DEXI: variants seen among roughly 807,000 people sequenced by gnomAD.
The protein encoded by DEXI is dexamethasone-induced protein.
DEXI carries 2 observed loss-of-function variants against 2.5 expected under a neutral mutation model. The ratio of observed to expected loss-of-function variants is 0.81; its 90% CI spans 0.33 to 2.55. The LOEUF is 2.55. Among genes scored for constraint, DEXI ranks in the 30% most tolerant of loss-of-function variants. DEXI has a pLI of 0.11. For missense variants in DEXI, 108 were observed against 130.3 expected (o/e 0.83, Z 0.83); for synonymous variants, 71 against 68.7 (o/e 1.03, Z -0.17).
chr16:10,933,026 G>C (rs2040865651), intron 1 of DEXI: 1 of 152,252 alleles, frequency 6.6e-6, no homozygotes, highest in African/African-American at 2.4e-5. Context: ...AAGGCATCAA[G>C]AGCCCCAGGC....
In DEXI at chr16:10,941,643, C is replaced by A; in HGVS notation, c.*75G>T. On this transcript the variant is annotated 3_prime_UTR_variant, in exon 1 of 2. Transcript: ENST00000331808. This position sits in a 1 kb window ranked among gnomAD's most constrained non-coding sequence, Gnocchi z 6.4. The stretch of plus-strand genomic sequence containing the variant: ...AGATGGTGCCCCCAACCAGCTGCGG[C>A]GGCATGATCTGGGCGGCTGGTCCAG... 3 of 1,528,966 alleles carry A rather than the reference C, an allele frequency of 2.0e-6. No individual in the cohort carries two copies. The highest frequency in any genetic ancestry group is 2.6e-6 in the Non-Finnish European group (3 of 1,137,644). 94.7% of individuals were successfully genotyped at this position (1,528,966 alleles called of 1,614,324 possible).
At position 10,939,122 on chromosome 16, in the gene DEXI, G is replaced by A. The variant is rs906666803; in HGVS notation, c.*149+2447C>T. The A allele has an allele frequency of 6.6e-6, 1 of 152,200 alleles. No homozygotes were observed. The highest frequency in any genetic ancestry group is 1.5e-5 in the Non-Finnish European group (1 of 68,052). The allele number at this position is 152,200 out of a possible 1,614,324, so 9.4% of individuals were successfully genotyped here. On this transcript the variant is annotated intron_variant, in intron 1 of 1. Coordinates refer to ENST00000331808, the MANE Select transcript of DEXI (RefSeq NM_014015.4). This position sits in a 1 kb window ranked among gnomAD's most constrained non-coding sequence, Gnocchi z 4.9. ...ATGCAAAGGGCCTAGACACAGGAGT[G>A]CGATACAATCAATGCTCAGTACAGA... is the stretch of plus-strand genomic sequence containing the variant.
chr16:10,932,127 G>T (rs1289380357), intron 1 of DEXI: 1 of 152,226 alleles, frequency 6.6e-6, no homozygotes, highest in Non-Finnish European at 1.5e-5. Flanking sequence ...GGACAGGGAG[G>T]TGACCCCAGG....
At position 10,938,954 on chromosome 16, in the gene DEXI, A is replaced by G. The variant is rs1412426958; in HGVS notation, c.*149+2615T>C. The G allele has an allele frequency of 6.6e-6, 1 of 152,248 alleles. No individual in the cohort carries two copies. The highest frequency in any genetic ancestry group is 2.4e-5 in the African/African-American group (1 of 41,470). The allele number at this position is 152,248 out of a possible 1,614,324, so 9.4% of individuals were successfully genotyped here. A position where few individuals can be genotyped will look rare whatever the true frequency, so the allele number is the denominator to read the frequency against. ...TGTTGATGTGGTAAAGAGATAAAAT[A>G]AGACGTTCCTCACCAAGTTACACTG... On this transcript the variant is annotated intron_variant, in intron 1 of 1. Coordinates refer to ENST00000331808, the MANE Select transcript of DEXI (RefSeq NM_014015.4). This position sits in a 1 kb window ranked among gnomAD's most constrained non-coding sequence, Gnocchi z 4.9.
At chr16:10,930,096 C>G (rs992026120) in intron 1 of DEXI, 1 of 152,412 alleles carries the variant, frequency 6.6e-6, no homozygotes, top group African/African-American at 2.4e-5. Context: ...CCCCCTGGCA[C>G]GTCCCCGTTT....
In DEXI at chr16:10,929,462, C is replaced by T. The variant is rs2040681880; in HGVS notation, c.*247G>A. Reference sequence around the variant, plus strand: ...GTTCCCCCTTCTGTGGGAGCAGGTGCCTTCCCAACCTCAGCACTCAGTCCC... The same window carrying T: ...GTTCCCCCTTCTGTGGGAGCAGGTGTCTTCCCAACCTCAGCACTCAGTCCC... On this transcript the variant is annotated 3_prime_UTR_variant, in exon 2 of 2. Transcript: ENST00000331808. The surrounding 1 kb of genome is among the most constrained non-coding windows in gnomAD (Gnocchi z 4.3). 7.1e-6 allele frequency: 7 copies of T among 985,764 alleles called. No homozygotes were observed. The highest frequency in any genetic ancestry group is 8.4e-6 in the Non-Finnish European group (7 of 829,938). The allele number at this position is 985,764 out of a possible 1,614,324, so 61.1% of individuals were successfully genotyped here. A position where few individuals can be genotyped will look rare whatever the true frequency, so the allele number is the denominator to read the frequency against.
Position 10,934,231 on chromosome 16 carries a change from T to C in DEXI, c.*150-4672A>G, listed in dbSNP as rs1424659414. On this transcript the variant is annotated intron_variant, in intron 1 of 1. Coordinates refer to ENST00000331808, the MANE Select transcript of DEXI (RefSeq NM_014015.4). This position sits in a 1 kb window ranked among gnomAD's most constrained non-coding sequence, Gnocchi z 4.2. ...CCACATCCAAGAACCACCTGGACTA[T>C]TATTTACTTAGTATTTTAAACCAAT... The C allele has an allele frequency of 1.3e-5, 2 of 152,250 alleles. No homozygotes were observed. Among genetic ancestry groups the C allele is most frequent in the Admixed American group, 1.3e-4 (2 of 15,290 alleles). The allele number at this position is 152,250 out of a possible 1,614,324, so 9.4% of individuals were successfully genotyped here. A position where few individuals can be genotyped will look rare whatever the true frequency, so the allele number is the denominator to read the frequency against.
rs1453478294 is a variant in DEXI, at chr16:10,934,770, C to T, written c.*150-5211G>A. On this transcript the variant is annotated intron_variant, in intron 1 of 1. Coordinates refer to ENST00000331808, the MANE Select transcript of DEXI (RefSeq NM_014015.4). The surrounding 1 kb of genome is among the most constrained non-coding windows in gnomAD (Gnocchi z 4.2). ...CAGGAGGGACTCCCAGAAATGAAGC[C>T]TTACCCTTGAGGGAGTTCCCCGCCA... The T allele has an allele frequency of 6.6e-6, 1 of 152,166 alleles. No individual in the cohort carries two copies. Among genetic ancestry groups the T allele is most frequent in the African/African-American group, 2.4e-5 (1 of 41,444 alleles). 9.4% of individuals were successfully genotyped at this position (152,166 alleles called of 1,614,324 possible).
intron 1 of DEXI, chr16:10,936,122 C>A (rs1023178390): frequency 6.6e-6 from 1 of 152,028 alleles, no homozygotes; most frequent in African/African-American, 2.4e-5. Context: ...TTCCGAGTAA[C>A]TGGGACTATG....
At position 10,942,265 on chromosome 16, in the gene DEXI, G is replaced by A; in HGVS notation, c.-260C>T. The A allele has an allele frequency of 8.7e-6, 3 of 343,464 alleles. No homozygotes were observed. The highest frequency in any genetic ancestry group is 1.6e-5 in the Non-Finnish European group (3 of 189,300). 21.3% of individuals were successfully genotyped at this position (343,464 alleles called of 1,614,324 possible). On this transcript the variant is annotated 5_prime_UTR_variant, in exon 1 of 2. Transcript: ENST00000331808. The surrounding 1 kb of genome is among the most constrained non-coding windows in gnomAD (Gnocchi z 5.0). Reference sequence around the variant, plus strand: ...GGCGGGCCCCCCTGAAGTGGCCCGCGGCTGCCCGGCTCCCTCGTGGCGCCT... The same window carrying A: ...GGCGGGCCCCCCTGAAGTGGCCCGCAGCTGCCCGGCTCCCTCGTGGCGCCT...
intron 1 of DEXI, chr16:10,933,694 C>G (rs1275336678): frequency 1.3e-5 from 2 of 152,346 alleles, no homozygotes; most frequent in African/African-American, 4.8e-5. Flanking sequence ...CGGCAGGGAA[C>G]CTTCTCAAGG....
In DEXI at chr16:10,929,106, GC is replaced by G. The variant is rs928721856; in HGVS notation, c.*602del. The G allele has an allele frequency of 7.1e-5, 46 of 646,878 alleles. No homozygotes were observed. Among genetic ancestry groups the G allele is most frequent in the Non-Finnish European group, 8.8e-5 (46 of 520,724 alleles). The allele number at this position is 646,878 out of a possible 1,614,324, so 40.1% of individuals were successfully genotyped here. ...TGAAGGAGCGAGAATCCCACCCTCA[GC>G]CCCCCAACAGCTTCCTCAGCTTCTT... On this transcript the variant is annotated 3_prime_UTR_variant, in exon 2 of 2. Transcript: ENST00000331808. This position sits in a 1 kb window ranked among gnomAD's most constrained non-coding sequence, Gnocchi z 4.3.
rs2041111069 is a variant in DEXI at position 10,942,142 on chromosome 16, G to A, written c.-137C>T. ...ACAGAAGCAGGGCCGGGCTCCAGATGTCCCCTGGCAATTGCGCCCCGACCC... is the reference window on the plus strand; with the variant it reads ...ACAGAAGCAGGGCCGGGCTCCAGATATCCCCTGGCAATTGCGCCCCGACCC... On this transcript the variant is annotated 5_prime_UTR_variant, in exon 1 of 2. Coordinates refer to ENST00000331808, the MANE Select transcript of DEXI (RefSeq NM_014015.4). The surrounding 1 kb of genome is among the most constrained non-coding windows in gnomAD (Gnocchi z 5.0). The A allele has an allele frequency of 1.6e-6, 1 of 639,586 alleles. No homozygotes were observed. Among genetic ancestry groups the A allele is most frequent in the Non-Finnish European group, 2.3e-6 (1 of 427,654 alleles). The allele number at this position is 639,586 out of a possible 1,614,324, so 39.6% of individuals were successfully genotyped here. A position where few individuals can be genotyped will look rare whatever the true frequency, so the allele number is the denominator to read the frequency against.
chr16:10,936,112 T>C (rs1479491568), intron 1 of DEXI: 1 of 152,090 alleles, frequency 6.6e-6, no homozygotes, highest in Non-Finnish European at 1.5e-5. Context: ...TGCCTGAGCC[T>C]TCCGAGTAAC....
rs996709078 is a variant in DEXI at position 10,940,062 on chromosome 16, T to A, written c.*149+1507A>T. 6.6e-6 allele frequency: 1 copy of A among 152,256 alleles called. No homozygotes were observed. The highest frequency in any genetic ancestry group is 2.4e-5 in the African/African-American group (1 of 41,450). The allele number at this position is 152,256 out of a possible 1,614,324, so 9.4% of individuals were successfully genotyped here. On this transcript the variant is annotated intron_variant, in intron 1 of 1. Coordinates refer to ENST00000331808, the MANE Select transcript of DEXI (RefSeq NM_014015.4). The surrounding 1 kb of genome is among the most constrained non-coding windows in gnomAD (Gnocchi z 4.2). ...TCGCTAAGATGTTACTGAGCTCAAC[T>A]GAAGCTTTTTCTTCAAAGAAATCTC...
At position 10,941,731 on chromosome 16, in the gene DEXI, G is replaced by A. The variant is rs2041105091; in HGVS notation, c.275C>T (p.Ala92Val). ...GCAGTCGAGACCCTACTCCAAGTACGCATCAAAGACGTCGAGCTCCGAGTC... is the reference window on the plus strand; with the variant it reads ...GCAGTCGAGACCCTACTCCAAGTACACATCAAAGACGTCGAGCTCCGAGTC... The part of the protein sequence containing the change: ...DADSELDVFD[A>V]YLE The change falls in exon 1 of 2, where the codon GCG becomes GTG. Residue 92 changes from alanine (A) to valine (V), a missense_variant. Coordinates refer to ENST00000331808, the MANE Select transcript of DEXI (RefSeq NM_014015.4). The surrounding 1 kb of genome is among the most constrained non-coding windows in gnomAD (Gnocchi z 6.4). 1.9e-6 allele frequency: 3 copies of A among 1,609,400 alleles called. No individual in the cohort carries two copies. The highest frequency in any genetic ancestry group is 2.7e-5 in the African/African-American group (2 of 74,762).
At position 10,937,285 on chromosome 16, in the gene DEXI, TG is replaced by T. The variant is rs1706292218; in HGVS notation, c.*149+4283del. 6.6e-6 allele frequency: 1 copy of T among 152,390 alleles called. No homozygotes were observed. The highest frequency in any genetic ancestry group is 1.9e-4 in the East Asian group (1 of 5,206). The allele number at this position is 152,390 out of a possible 1,614,324, so 9.4% of individuals were successfully genotyped here. ...AGATGACAGCCACAGCTTCCTGGCC[TG>T]GTTTCCTGCATCCGCCCTGACCCCT... On this transcript the variant is annotated intron_variant, in intron 1 of 1. Coordinates refer to ENST00000331808, the MANE Select transcript of DEXI (RefSeq NM_014015.4). The surrounding 1 kb of genome is among the most constrained non-coding windows in gnomAD (Gnocchi z 4.2).
rs2041099434 is a variant in DEXI at position 10,941,328 on chromosome 16, A to G, written c.*149+241T>C. ...TGGGGGTAAGTCACAGAGCTACCCC[A>G]AATGTAACTTAGTCTCGGGGTCTCC... is the stretch of plus-strand genomic sequence containing the variant. On this transcript the variant is annotated intron_variant, in intron 1 of 1. Transcript: ENST00000331808. This position sits in a 1 kb window ranked among gnomAD's most constrained non-coding sequence, Gnocchi z 6.4. 5.3e-6 allele frequency: 1 copy of G among 189,146 alleles called. No homozygotes were observed. The highest frequency in any genetic ancestry group is 2.4e-5 in the African/African-American group (1 of 42,418). 11.7% of individuals were successfully genotyped at this position (189,146 alleles called of 1,614,324 possible).
chr16:10,932,487 G>T (rs2040839040), intron 1 of DEXI: 1 of 152,012 alleles, frequency 6.6e-6, no homozygotes, highest in African/African-American at 2.4e-5. Context: ...AACCCCCGTG[G>T]CCTGACCCCA....
Sources: allele counts gnomAD v4.1 joint callset, GRCh38; gene constraint gnomAD v4.1.1; non-coding constraint Gnocchi (gnomAD v3.1); transcripts MANE v1.5; gene names NCBI Gene and HGNC (gene_info 2026-07-23, HGNC 2026-07-21).